The following EPHX4 variants were observed in gnomAD, a reference collection of about 807,000 sequenced individuals.
EPHX4 encodes abhydrolase domain containing 7.
EPHX4 carries 31 observed loss-of-function variants against 44.9 expected under a neutral mutation model. The ratio of observed to expected loss-of-function variants is 0.69; its 90% confidence interval spans 0.52 to 0.93. The LOEUF (loss-of-function observed/expected upper bound fraction) is 0.93. EPHX4 is among the 40% of genes least tolerant of loss of function. EPHX4 has a pLI of 0.00. For missense variants in EPHX4, 373 were observed against 438.1 expected (o/e 0.85, Z 1.33); for synonymous variants, 151 against 159.7 (o/e 0.95, Z 0.41).
At chr1:92,033,505 T>C (rs1173065940) in intron 2 of EPHX4, among the ~76,000 whole-genome samples, 2 of 151,728 alleles carry the variant, frequency 1.3e-5, no homozygotes, top group Admixed American at 6.6e-5. Flanking sequence ...ATTAGGAAGA[T>C]TTTGGTGAGG....
intron 2 of EPHX4, 66 bp downstream of exon 2, chr1:92,032,656 G>A (rs1471966515): frequency 7.8e-7 from 1 of 1,290,134 alleles, no homozygotes; most frequent in Non-Finnish European, 1.1e-6. Flanking sequence ...TTCATTTTGT[G>A]CTGCTGTAAC....
In EPHX4 at chr1:92,030,089, C is replaced by G; in HGVS notation, c.10C>G (p.Leu4Val). 6.3e-7 allele frequency: 1 copy of G among 1,598,880 alleles called. No homozygotes were observed. The highest frequency in any genetic ancestry group is 8.5e-7 in the Non-Finnish European group (1 of 1,174,444). ...CCGCCGCCGCCTCCCAATGGCGAGG[C>G]TGCGGGATTGCCTGCCCCGCCTGAT... The part of the protein sequence containing the change: MAR[L>V]RDCLPRLMLT... The change falls in exon 1 of 7, where the codon CTG (leucine) becomes GTG (valine). Residue 4 changes from leucine (L) to valine (V), a missense_variant. Leu to Val is a conservative substitution (Grantham distance 32, BLOSUM62 1). Coordinates refer to ENST00000370383, the MANE Select transcript of EPHX4 (RefSeq NM_173567.5).
chr1:92,059,650 T>A (rs146424202), intron 6 of EPHX4, among the ~76,000 whole-genome samples: 169 of 152,102 alleles, frequency 1.1e-3, no homozygotes, highest in African/African-American at 3.9e-3. Context: ...ATATAAAAGT[T>A]CAAGATACAA....
rs115440719 is a variant in EPHX4, at chr1:92,037,563, C to T, written c.317+4973C>T. ...GCAGGCAATTTCTTTGAGTCGTCTTCGTCTCCAGCTATATGGAATGCATGC... is the reference window on the plus strand; with the variant it reads ...GCAGGCAATTTCTTTGAGTCGTCTTTGTCTCCAGCTATATGGAATGCATGC... On this transcript the variant is annotated intron_variant, in intron 2 of 6. Transcript: ENST00000370383. Among the ~76,000 whole-genome samples, 477 of 152,278 alleles carry T rather than the reference C, an allele frequency of 3.1e-3. 3 individuals carry two copies. Among genetic ancestry groups the T allele is most frequent in the African/African-American group, 0.011 (460 of 41,556 alleles).
intron 4 of EPHX4, among the ~76,000 whole-genome samples, chr1:92,050,055 C>T (rs952387218): frequency 2.2e-4 from 33 of 151,562 alleles, no homozygotes; most frequent in African/African-American, 4.9e-4. Context: ...GCTGAGATCG[C>T]GCCATTGCAC....
At chr1:92,035,266 C>T (rs1307092641) in intron 2 of EPHX4, among the ~76,000 whole-genome samples, 1 of 152,102 alleles carries the variant, frequency 6.6e-6, no homozygotes, top group Non-Finnish European at 1.5e-5. Flanking sequence ...TATGGTCTCA[C>T]CTTATGGAGT....
chr1:92,037,491 T>C (rs952719412), intron 2 of EPHX4, among the ~76,000 whole-genome samples: 1 of 152,208 alleles, frequency 6.6e-6, no homozygotes, highest in Non-Finnish European at 1.5e-5. Context: ...TCCCACTCTC[T>C]CTCTCCACTT....
At chr1:92,052,449 A>C in intron 5 of EPHX4, 61 bp from the exon 6 acceptor site, 1 of 1,481,088 alleles carries the variant, frequency 6.8e-7, no homozygotes, top group Non-Finnish European at 9.1e-7. Flanking sequence ...CCAAAGCCAA[A>C]GACTTAGCTT....
intron 2 of EPHX4, 49 bp from the exon 3 acceptor site, chr1:92,042,774 G>T: frequency 6.9e-6 from 9 of 1,298,312 alleles, no homozygotes; most frequent in Non-Finnish European, 9.6e-6. Flanking sequence ...TAATGTTACT[G>T]TTTGTACTAG....
chr1:92,047,017 T>C (rs1490166929), intron 4 of EPHX4, among the ~76,000 whole-genome samples: 2 of 152,186 alleles, frequency 1.3e-5, no homozygotes, highest in African/African-American at 4.8e-5. Context: ...GAAAAGCCTT[T>C]AAAGTATTGC....
chr1:92,062,091 A>G (rs188003180), intron 6 of EPHX4, among the ~76,000 whole-genome samples: 5 of 152,284 alleles, frequency 3.3e-5, no homozygotes, highest in Admixed American at 1.3e-4. Flanking sequence ...TTGTTTTAAA[A>G]AATAATCTTC....
rs545093535 is a variant in EPHX4 at position 92,042,201 on chromosome 1, T to A, written c.318-622T>A. 4.0e-5 allele frequency among the ~76,000 whole-genome samples: 6 copies of A among 151,514 alleles called. No homozygotes were observed. In the South Asian group the frequency reaches 6.3e-4, roughly 16 times the overall value. On this transcript the variant is annotated intron_variant, in intron 2 of 6. Coordinates refer to ENST00000370383, the MANE Select transcript of EPHX4 (RefSeq NM_173567.5). Reference sequence around the variant, plus strand: ...ATAGTGAGACCCTGTTTCAATTTTTTAAAAATGGACTTATTAAGACATATA... The same window carrying A: ...ATAGTGAGACCCTGTTTCAATTTTTAAAAAATGGACTTATTAAGACATATA...
At chr1:92,039,305 C>T (rs1688480028) in intron 2 of EPHX4, among the ~76,000 whole-genome samples, 3 of 152,122 alleles carry the variant, frequency 2.0e-5, no homozygotes, top group Admixed American at 1.3e-4. Context: ...GGAATGAAAG[C>T]GACACACTTA....
At chr1:92,030,483 T>TGTGTGTGTGTGTGTGAGTGA (rs745435867) in intron 1 of EPHX4, among the ~76,000 whole-genome samples, 173 bp downstream of exon 1, 10 of 138,738 alleles carry the variant, frequency 7.2e-5, no homozygotes, top group Non-Finnish European at 1.3e-4. Flanking sequence ...TGTGTGTGTG[T>TGTGTGTGTGTGTGTGAGTGA]GTGAGAGAGA....
At chr1:92,051,594 G>A (rs1460551745) in intron 5 of EPHX4, among the ~76,000 whole-genome samples, 4 of 151,986 alleles carry the variant, frequency 2.6e-5, no homozygotes, top group African/African-American at 9.7e-5. Flanking sequence ...CATAGGTATT[G>A]GTGATCTAGA....
intron 6 of EPHX4, among the ~76,000 whole-genome samples, chr1:92,056,739 C>A (rs1013451491): frequency 6.6e-6 from 1 of 151,698 alleles, no homozygotes; most frequent in Non-Finnish European, 1.5e-5. Context: ...CCTCAGCCTC[C>A]CAAAGTGCTG....
intron 4 of EPHX4, among the ~76,000 whole-genome samples, chr1:92,046,222 AT>A (rs1354534633): frequency 1.3e-5 from 2 of 152,264 alleles, no homozygotes; most frequent in Non-Finnish European, 2.9e-5. Flanking sequence ...CATATTTTAA[AT>A]GAAAGCTAAC....
At chr1:92,030,394 A>C in intron 1 of EPHX4, 84 bp downstream of exon 1, 1 of 1,276,636 alleles carries the variant, frequency 7.8e-7, no homozygotes, top group Non-Finnish European at 1.0e-6. Flanking sequence ...TCCTTCCGAG[A>C]CGCTGGCTCA....
intron 2 of EPHX4, among the ~76,000 whole-genome samples, chr1:92,037,168 A>G (rs942340788): frequency 3.9e-5 from 6 of 152,170 alleles, no homozygotes; most frequent in African/African-American, 1.4e-4. Context: ...TGTATGCTTG[A>G]TTGTAGATTA....
Sources: gnomAD v4.1 joint callset for allele counts (sites outside exome capture counted in the v4.1 genomes callset) on GRCh38, gnomAD v4.1.1 for gene constraint, MANE v1.5 for transcripts, NCBI Gene and HGNC (gene_info 2026-07-23, HGNC 2026-07-21) for gene names.